The following DELE1 variants were observed in gnomAD, a reference collection of about 807,000 sequenced individuals.
DELE1 encodes death ligand signal enhancer.
DELE1 carries 54 observed loss-of-function variants against 59.3 expected under a neutral mutation model. The ratio of observed to expected loss-of-function variants is 0.91; its 90% CI spans 0.73 to 1.14. The LOEUF (loss-of-function observed/expected upper bound fraction) is 1.14. Among genes scored for constraint, DELE1 ranks in the 50% most tolerant of loss-of-function variants. The probability of loss-of-function intolerance (pLI) is 0.00; values close to 1 mark genes in which losing one functional copy is unlikely to be tolerated. For missense variants in DELE1, 636 were observed against 643.9 expected (o/e 0.99, Z 0.13); for synonymous variants, 264 against 259.1 (o/e 1.02, Z -0.18).
intron 7 of DELE1, among the ~76,000 whole-genome samples, chr5:141,932,406 G>T (rs761925231): frequency 6.6e-6 from 1 of 152,174 alleles, no homozygotes; most frequent in African/African-American, 2.4e-5. Flanking sequence ...GTTAGGGTTT[G>T]TTGGTTATGA....
At chr5:141,924,754 T>G (rs555991263) in intron 2 of DELE1, 59 bp downstream of exon 2, 4 of 1,154,580 alleles carry the variant, frequency 3.5e-6, no homozygotes, top group Non-Finnish European at 5.0e-6. Context: ...TTTTTTATTT[T>G]TTTTTTTTTG....
At chr5:141,931,377 A>G (rs1275735628) in intron 7 of DELE1, 1 of 152,254 alleles carries the variant, frequency 6.6e-6, no homozygotes. Context: ...CTTCTGAGCC[A>G]CAGTAAAGAG....
intron 4 of DELE1, 138 bp downstream of exon 4, chr5:141,928,436 T>A: frequency 9.3e-7 from 1 of 1,078,884 alleles, no homozygotes; most frequent in Non-Finnish European, 1.3e-6. Context: ...AAGAGGAATG[T>A]GGGGAAGTTC....
intron 4 of DELE1, 148 bp downstream of exon 4, chr5:141,928,446 C>T: frequency 1.0e-6 from 1 of 975,582 alleles, no homozygotes; most frequent in Non-Finnish European, 1.5e-6. Flanking sequence ...TGGGGAAGTT[C>T]TATCCACCCA....
intron 5 of DELE1, 116 bp downstream of exon 5, chr5:141,929,856 G>A (rs1045480417): frequency 2.0e-5 from 30 of 1,507,336 alleles, no homozygotes; most frequent in Non-Finnish European, 2.6e-5. Context: ...CCCATGCCTT[G>A]TGAGGTGATT....
intron 7 of DELE1, among the ~76,000 whole-genome samples, chr5:141,930,739 C>T (rs913902828): frequency 6.6e-5 from 10 of 152,202 alleles, no homozygotes; most frequent in African/African-American, 1.7e-4. Flanking sequence ...AGCAGATCCT[C>T]GATGTGTGAA....
intron 7 of DELE1, among the ~76,000 whole-genome samples, chr5:141,932,182 C>T (rs917580211): frequency 6.6e-6 from 1 of 152,036 alleles, no homozygotes; most frequent in Non-Finnish European, 1.5e-5. Flanking sequence ...ATGGTGGAGG[C>T]GGAAAGAAAG....
rs1311303028 is a variant in DELE1, at chr5:141,929,743, A to G, written c.571+3A>G. ...TCCTCAGGACCCCTCTGAGGAAGGTATGTCCCTGCCTCATGGAATCAGCAG... is the reference window on the plus strand; with the variant it reads ...TCCTCAGGACCCCTCTGAGGAAGGTGTGTCCCTGCCTCATGGAATCAGCAG... On this transcript the variant is annotated splice_donor_region_variant and intron_variant, in intron 5 of 11. Transcript: ENST00000432126. 4 of 1,613,950 alleles carry G rather than the reference A, an allele frequency of 2.5e-6. No homozygotes were observed. Among genetic ancestry groups the G allele is most frequent in the Non-Finnish European group, 2.5e-6 (3 of 1,179,980 alleles).
chr5:141,929,464 G>A (rs1751705015), intron 4 of DELE1, 118 bp from the exon 5 acceptor site: 1 of 1,027,192 alleles, frequency 9.7e-7, no homozygotes, highest in Non-Finnish European at 1.4e-6. Flanking sequence ...TGGCCAGGCT[G>A]GTCTTGAACT....
At position 141,923,891 on chromosome 5, in the gene DELE1, G is replaced by T. The variant is rs753176346; in HGVS notation, c.-51G>T. ...GCGGCCTTTCTAGCCGCTGTCCCAA[G>T]GGTTGGTCTCGCGCTTTCGGCTGCG... On this transcript the variant is annotated 5_prime_UTR_variant, in exon 1 of 12. In the 5' UTR this introduces an upstream ATG that the reference lacks. Coordinates refer to ENST00000432126, the MANE Select transcript of DELE1 (RefSeq NM_014773.5). 129 of 1,573,816 alleles carry T rather than the reference G, an allele frequency of 8.2e-5. No individual in the cohort carries two copies. The highest frequency in any genetic ancestry group is 8.7e-5 in the Non-Finnish European group (101 of 1,159,604).
chr5:141,939,389 G>T lies in DELE1; in HGVS notation c.*630G>T, dbSNP rs2109014. 1.8e-4 allele frequency: 179 copies of T among 984,760 alleles called. No homozygotes were observed. The African/African-American group carries it at 3.0e-3, about 17-fold the overall frequency. 61.0% of individuals were successfully genotyped at this position (984,760 alleles called of 1,614,324 possible). A position where few individuals can be genotyped will look rare whatever the true frequency, so the allele number is the denominator to read the frequency against. ...GCAAAAATCACAGGGGTGGTTCCATGAATGGCTGACACTTAGGAAACTCTG... is the reference window on the plus strand; with the variant it reads ...GCAAAAATCACAGGGGTGGTTCCATTAATGGCTGACACTTAGGAAACTCTG... On this transcript the variant is annotated 3_prime_UTR_variant, in exon 12 of 12. Coordinates refer to ENST00000432126, the MANE Select transcript of DELE1 (RefSeq NM_014773.5).
chr5:141,925,670 G>A (rs1751343378), intron 3 of DELE1, 143 bp downstream of exon 3: 1 of 496,628 alleles, frequency 2.0e-6, no homozygotes, highest in Admixed American at 3.3e-5. Flanking sequence ...CATATTCAAG[G>A]AGATATTGCC....
At position 141,930,290 on chromosome 5, in the gene DELE1, C is replaced by A. The variant is rs1357593079; in HGVS notation, c.754+16C>A. 6.3e-7 allele frequency: 1 copy of A among 1,581,888 alleles called. No homozygotes were observed. The highest frequency in any genetic ancestry group is 8.7e-7 in the Non-Finnish European group (1 of 1,150,666). On this transcript the variant is annotated intron_variant, in intron 7 of 11. Coordinates refer to ENST00000432126, the MANE Select transcript of DELE1 (RefSeq NM_014773.5). ...AACTTCCTGGGTAACCAAATGGACC[C>A]TGCCCCAAGGCAGGAGGGTGGGAAA...
chr5:141,933,381 AC>A lies in DELE1; in HGVS notation c.882del (p.Arg295GlyfsTer48). The A allele has an allele frequency of 3.3e-6, 5 of 1,505,818 alleles. No homozygotes were observed. Among genetic ancestry groups the A allele is most frequent in the East Asian group, 4.9e-5 (2 of 41,162 alleles). The allele number at this position is 1,505,818 out of a possible 1,614,324, so 93.3% of individuals were successfully genotyped here. A position where few individuals can be genotyped will look rare whatever the true frequency, so the allele number is the denominator to read the frequency against. ...CTTGTGTCATGAGCATGGCAGAGGC[AC>A]CCCCAGGGACATTAGCAAGGTATTC... Reference protein sequence around the residue: ...AGLCHEHGRGTPRDISKAVLY... With the variant: ...AGLCHEHGRGXPRDISKAVLY... On this transcript the variant is annotated frameshift_variant, in exon 8 of 12. Transcript: ENST00000432126. LOFTEE classifies it high-confidence loss of function.
chr5:141,940,385 A>G lies in DELE1; in HGVS notation c.*1626A>G. The G allele has an allele frequency of 1.0e-6, 1 of 985,114 alleles. No homozygotes were observed. The highest frequency in any genetic ancestry group is 1.2e-6 in the Non-Finnish European group (1 of 829,928). The allele number at this position is 985,114 out of a possible 1,614,324, so 61.0% of individuals were successfully genotyped here. A position where few individuals can be genotyped will look rare whatever the true frequency, so the allele number is the denominator to read the frequency against. ...GGCTTCTGGATGTTAGCCCAAGTTG[A>G]ATAGCATAGATGTGGTTGAGAGTGG... On this transcript the variant is annotated 3_prime_UTR_variant, in exon 12 of 12. Coordinates refer to ENST00000432126, the MANE Select transcript of DELE1 (RefSeq NM_014773.5).
intron 7 of DELE1, among the ~76,000 whole-genome samples, chr5:141,932,844 C>T (rs1013442911): frequency 3.9e-5 from 6 of 152,104 alleles, no homozygotes; most frequent in Admixed American, 1.3e-4. Context: ...CCTGTAATCC[C>T]GACACTTTGG....
At position 141,941,081 on chromosome 5, in the gene DELE1, C is replaced by T. The variant is rs963940656; in HGVS notation, c.*2322C>T. ...TTGAGCCTTCCTGGGGCACCCTCTGCGTGAAATGTCACCGTGTGCCCTCCC... is the reference window on the plus strand; with the variant it reads ...TTGAGCCTTCCTGGGGCACCCTCTGTGTGAAATGTCACCGTGTGCCCTCCC... On this transcript the variant is annotated 3_prime_UTR_variant, in exon 12 of 12. Transcript: ENST00000432126. 1.5e-4 allele frequency: 147 copies of T among 985,350 alleles called. No individual in the cohort carries two copies. Among genetic ancestry groups the T allele is most frequent in the African/African-American group, 8.0e-4 (46 of 57,242 alleles). 61.0% of individuals were successfully genotyped at this position (985,350 alleles called of 1,614,324 possible).
At chr5:141,934,822 G>A in intron 10 of DELE1, 1 of 541,148 alleles carries the variant, frequency 1.8e-6, no homozygotes, top group Non-Finnish European at 3.3e-6. Context: ...CTGCTATGGT[G>A]GGAATATTTG....
rs1190307807 is a variant in DELE1 at position 141,940,689 on chromosome 5, C to T, written c.*1930C>T. The T allele has an allele frequency of 5.1e-6, 5 of 980,288 alleles. No individual in the cohort carries two copies. Among genetic ancestry groups the T allele is most frequent in the Admixed American group, 1.2e-4 (2 of 16,258 alleles). The allele number at this position is 980,288 out of a possible 1,614,324, so 60.7% of individuals were successfully genotyped here. On this transcript the variant is annotated 3_prime_UTR_variant, in exon 12 of 12. Coordinates refer to ENST00000432126, the MANE Select transcript of DELE1 (RefSeq NM_014773.5). ...AGGGCTGCCCTGCACACTGGCTCACCACTGTTGGACCCTGCACATGGCCAC... is the reference window on the plus strand; with the variant it reads ...AGGGCTGCCCTGCACACTGGCTCACTACTGTTGGACCCTGCACATGGCCAC...
Sources: allele counts gnomAD v4.1 joint callset (sites outside exome capture counted in the v4.1 genomes callset), GRCh38; gene constraint gnomAD v4.1.1; transcripts MANE v1.5; gene names NCBI Gene and HGNC (gene_info 2026-07-23, HGNC 2026-07-21).